MAML2: variants seen among roughly 807,000 people sequenced by gnomAD.
The protein encoded by MAML2 is mastermind like transcriptional coactivator 2.
Under a neutral mutation model 96.1 loss-of-function variants are expected in MAML2, and 22 were observed. That is an observed-to-expected ratio of 0.23 (90% CI 0.16 to 0.33). The LOEUF (loss-of-function observed/expected upper bound fraction) is 0.33. MAML2 is among the 10% of genes least tolerant of loss of function. The pLI, the probability that MAML2 is intolerant of heterozygous loss-of-function variation, is 1.00. For synonymous variants in MAML2, 561 were observed against 521.3 expected (o/e 1.08, Z -1.04); for missense variants, 1,367 against 1,392.4 (o/e 0.98, Z 0.29).
At chr11:96,015,588 G>C (rs868293185) in intron 2 of MAML2, among the ~76,000 whole-genome samples, 7 of 132,506 alleles carry the variant, frequency 5.3e-5, no homozygotes, top group African/African-American at 1.3e-4. Flanking sequence ...AAAAAAAGGG[G>C]GGGGGGGCAA....
chr11:96,197,918 G>C (rs1303265938), intron 1 of MAML2, among the ~76,000 whole-genome samples: 1 of 152,130 alleles, frequency 6.6e-6, no homozygotes, highest in Non-Finnish European at 1.5e-5. Flanking sequence ...TTCTAAAAGA[G>C]GGAACAACAT....
intron 1 of MAML2, among the ~76,000 whole-genome samples, chr11:96,195,199 GAA>G (rs1454092432): frequency 2.5e-4 from 38 of 152,148 alleles, no homozygotes; most frequent in Admixed American, 6.5e-4. Flanking sequence ...AAATTAAAAA[GAA>G]AAGAAAAGAA....
chr11:96,301,827 A>T (rs1452427053), intron 1 of MAML2, among the ~76,000 whole-genome samples: 2 of 152,254 alleles, frequency 1.3e-5, no homozygotes, highest in Non-Finnish European at 2.9e-5. Context: ...AATTAATAGT[A>T]CTGGCAAAGA....
intron 2 of MAML2, among the ~76,000 whole-genome samples, chr11:96,006,627 C>T (rs974334696): frequency 1.3e-5 from 2 of 149,444 alleles, no homozygotes; most frequent in African/African-American, 2.5e-5. Flanking sequence ...GGCATGATCT[C>T]GGTCCACTGC....
chr11:95,991,256 T>C (rs1426318794), intron 3 of MAML2, among the ~76,000 whole-genome samples: 2 of 152,152 alleles, frequency 1.3e-5, no homozygotes, highest in Non-Finnish European at 2.9e-5. Flanking sequence ...CAAATGCCCA[T>C]GTTGGTTGTT....
chr11:96,221,689 C>CTTTTT (rs71040137), intron 1 of MAML2, among the ~76,000 whole-genome samples: 4 of 105,768 alleles, frequency 3.8e-5, no homozygotes, highest in Non-Finnish European at 5.7e-5. Context: ...TTCAGTCAAG[C>CTTTTT]TTTTTTTTTT....
intron 1 of MAML2, among the ~76,000 whole-genome samples, chr11:96,259,713 T>G (rs1472004483): frequency 6.6e-6 from 1 of 152,220 alleles, no homozygotes; most frequent in Non-Finnish European, 1.5e-5. Context: ...GTCATCTCGA[T>G]GTGGACCAGC....
intron 1 of MAML2, among the ~76,000 whole-genome samples, chr11:96,139,642 T>C (rs555943028): frequency 6.6e-6 from 1 of 152,082 alleles, no homozygotes; most frequent in African/African-American, 2.4e-5. Context: ...TAGAGAAAGG[T>C]GATTTGACAG....
intron 1 of MAML2, among the ~76,000 whole-genome samples, chr11:96,238,642 T>C (rs910858123): frequency 6.6e-6 from 1 of 152,216 alleles, no homozygotes; most frequent in Non-Finnish European, 1.5e-5. Context: ...CCTTTATTGA[T>C]ATGATATGTA....
intron 1 of MAML2, among the ~76,000 whole-genome samples, chr11:96,119,323 G>C (rs750235946): frequency 4.6e-5 from 7 of 152,198 alleles, no homozygotes; most frequent in Non-Finnish European, 1.0e-4. Flanking sequence ...CAAGGAAGGA[G>C]GCAGGAGAGC....
intron 1 of MAML2, among the ~76,000 whole-genome samples, chr11:96,253,074 C>A (rs911911998): frequency 6.6e-6 from 1 of 152,122 alleles, no homozygotes; most frequent in Non-Finnish European, 1.5e-5. Context: ...CCCCCTCGCA[C>A]AGAAATACCC....
At position 96,092,908 on chromosome 11, in the gene MAML2, C is replaced by T. The variant is rs1373285493; in HGVS notation, c.1123G>A (p.Gly375Ser). The T allele has an allele frequency of 6.2e-7, 1 of 1,605,612 alleles. No homozygotes were observed. The highest frequency in any genetic ancestry group is 1.1e-5 in the South Asian group (1 of 89,302). The change falls in exon 2 of 5, where the codon GGC becomes AGC. Residue 375 changes from glycine to serine, a missense_variant. Physicochemically the swap from Gly to Ser is moderately conservative, Grantham distance 56 (BLOSUM62 0). Coordinates refer to ENST00000524717, the MANE Select transcript of MAML2 (RefSeq NM_032427.4). This position sits in a 1 kb window ranked among gnomAD's most constrained non-coding sequence, Gnocchi z 4.1. ...KSEYSPGLTQ[G>S]PSGSPQLRPP... Reference sequence around the variant, plus strand: ...CTCAGCTGAGGAGAGCCTGAGGGGCCCTGAGTCAAGCCCGGTGAGTATTCA... The same window carrying T: ...CTCAGCTGAGGAGAGCCTGAGGGGCTCTGAGTCAAGCCCGGTGAGTATTCA...
chr11:96,229,685 G>A (rs1862263568), intron 1 of MAML2, among the ~76,000 whole-genome samples: 1 of 151,754 alleles, frequency 6.6e-6, no homozygotes, highest in African/African-American at 2.4e-5. Context: ...ATAAAAATCT[G>A]AATGAGTACT....
chr11:96,098,969 T>C (rs1235699021), intron 1 of MAML2, among the ~76,000 whole-genome samples: 1 of 151,802 alleles, frequency 6.6e-6, no homozygotes, highest in East Asian at 1.9e-4. Context: ...CCCCCATCCC[T>C]TTCCACAAAA....
chr11:96,343,139 G>A lies in MAML2; in HGVS notation c.-1244C>T, dbSNP rs1299282410. 4 of 396,780 alleles carry A rather than the reference G, an allele frequency of 1.0e-5. No individual in the cohort carries two copies. The highest frequency in any genetic ancestry group is 3.6e-5 in the East Asian group (1 of 27,992). 24.6% of individuals were successfully genotyped at this position (396,780 alleles called of 1,614,324 possible). On this transcript the variant is annotated 5_prime_UTR_variant, in exon 1 of 5. Transcript: ENST00000524717. The stretch of plus-strand genomic sequence containing the variant: ...GACACTGGCTCGCGCCCGGAGTCAC[G>A]GCGATACACAGGCTTTCATTGTGCT...
intron 1 of MAML2, among the ~76,000 whole-genome samples, chr11:96,205,724 T>G (rs1861886433): frequency 6.6e-6 from 1 of 152,226 alleles, no homozygotes; most frequent in South Asian, 2.1e-4. Context: ...TTCTAACTGA[T>G]GGGACTGATG....
At chr11:96,181,129 T>C (rs1288023754) in intron 1 of MAML2, among the ~76,000 whole-genome samples, 1 of 152,202 alleles carries the variant, frequency 6.6e-6, no homozygotes, top group African/African-American at 2.4e-5. Context: ...TTCACTTCTT[T>C]TGTGATTCTT....
rs564917214 is a variant in MAML2 at position 96,125,999 on chromosome 11, A to G, written c.514-32482T>C. Reference sequence around the variant, plus strand: ...CTACAGAAACCCCAAATTCACATTCAGAACAAGAACTCAGACTTCAAGTGG... The same window carrying G: ...CTACAGAAACCCCAAATTCACATTCGGAACAAGAACTCAGACTTCAAGTGG... On this transcript the variant is annotated intron_variant, in intron 1 of 4. Transcript: ENST00000524717. Among the ~76,000 whole-genome samples the G allele has an allele frequency of 3.3e-5, 5 of 152,322 alleles. No individual in the cohort carries two copies. The South Asian group carries it at 1.0e-3, about 32-fold the overall frequency.
intron 2 of MAML2, among the ~76,000 whole-genome samples, chr11:96,037,177 A>G (rs1320902339): frequency 6.7e-6 from 1 of 148,684 alleles, no homozygotes; most frequent in East Asian, 2.0e-4. Context: ...AATGCCTCAG[A>G]AAATAAAAAA....
Sources: gnomAD v4.1 joint callset for allele counts (sites outside exome capture counted in the v4.1 genomes callset) on GRCh38, gnomAD v4.1.1 for gene constraint, Gnocchi (gnomAD v3.1) non-coding constraint, MANE v1.5 for transcripts, NCBI Gene and HGNC (gene_info 2026-07-23, HGNC 2026-07-21) for gene names.